The following CLEC16A variants were observed in gnomAD, a reference collection of about 807,000 sequenced individuals.
CLEC16A encodes the protein C-type lectin domain containing 16A.
Under a neutral mutation model 109.5 loss-of-function variants are expected in CLEC16A, and 51 were observed. That is an observed-to-expected ratio of 0.47 (90% CI 0.37 to 0.59). The LOEUF is 0.59. Ranked by LOEUF, CLEC16A falls within the 20% of genes least tolerant of loss-of-function variation. The pLI, the probability that CLEC16A is intolerant of heterozygous loss-of-function variation, is 0.00. For missense variants in CLEC16A, 1,339 were observed against 1,394.0 expected (o/e 0.96, Z 0.63); for synonymous variants, 673 against 564.2 (o/e 1.19, Z -2.73).
At chr16:10,983,413 G>A (rs982267168) in intron 10 of CLEC16A, among the ~76,000 whole-genome samples, 3 of 152,270 alleles carry the variant, frequency 2.0e-5, no homozygotes, top group Non-Finnish European at 4.4e-5. Flanking sequence ...CCACCTTGGC[G>A]AGCAGCTCCT....
intron 19 of CLEC16A, among the ~76,000 whole-genome samples, chr16:11,092,486 G>A (rs2050370113): frequency 6.6e-6 from 1 of 152,030 alleles, no homozygotes; most frequent in African/African-American, 2.4e-5. Context: ...GGAGGTTCCC[G>A]TGAGCCAAGA....
At position 11,123,803 on chromosome 16, in the gene CLEC16A, C is replaced by G; in HGVS notation, c.2330C>G (p.Pro777Arg). The G allele has an allele frequency of 1.2e-6, 2 of 1,614,084 alleles. No homozygotes were observed. The highest frequency in any genetic ancestry group is 1.7e-6 in the Non-Finnish European group (2 of 1,179,910). Residue 777 changes from proline to arginine, a missense_variant, in exon 21 of 24, where the codon CCT becomes CGT. Around this residue, in one of 3 missense-constraint regions of CLEC16A, gnomAD observed 1,061 missense variants for 1,006.8 expected, o/e 1.05. Coordinates refer to ENST00000409790, the MANE Select transcript of CLEC16A (RefSeq NM_015226.3). The part of the protein sequence containing the change: ...SRALNITIHK[P>R]ASSPHSKPFP... ...GCCCTGAACATCACCATCCACAAGC[C>G]TGCGTCCAGCCCCCATTCCAAGCCC...
chr16:10,990,536 G>A (rs2043943904), intron 10 of CLEC16A, among the ~76,000 whole-genome samples: 1 of 152,244 alleles, frequency 6.6e-6, no homozygotes, highest in African/African-American at 2.4e-5. Flanking sequence ...GGGCCAGCTA[G>A]CCAGAGAAGG....
intron 10 of CLEC16A, among the ~76,000 whole-genome samples, chr16:10,984,741 A>C (rs2043524757): frequency 6.6e-6 from 1 of 152,234 alleles, no homozygotes; most frequent in Admixed American, 6.5e-5. Context: ...AGCGTTTGCT[A>C]AATGAATGTA....
In CLEC16A at chr16:10,971,105, C is replaced by A. The variant is rs201388822; in HGVS notation, c.493-20C>A. 4 of 1,545,894 alleles carry A rather than the reference C, an allele frequency of 2.6e-6. No individual in the cohort carries two copies. The highest frequency in any genetic ancestry group is 2.3e-5 in the East Asian group (1 of 43,486). The stretch of plus-strand genomic sequence containing the variant: ...GGCTTATGGGCTTATAATTTGTTTT[C>A]GTTATTTCTTTTGTTTTAGCACACC... On this transcript the variant is annotated intron_variant, in intron 4 of 23. Transcript: ENST00000409790.
chr16:11,155,628 T>C (rs2054481824), intron 22 of CLEC16A, among the ~76,000 whole-genome samples: 1 of 152,248 alleles, frequency 6.6e-6, no homozygotes, highest in Admixed American at 6.5e-5. Flanking sequence ...ACTCCCTGAT[T>C]CTATCTGACT....
At chr16:11,075,428 A>ATGTGTG (rs112426314) in intron 19 of CLEC16A, among the ~76,000 whole-genome samples, 5 of 107,908 alleles carry the variant, frequency 4.6e-5, no homozygotes, top group Admixed American at 9.1e-5. Flanking sequence ...GTGTGTGTGT[A>ATGTGTG]TGTGTGTGTG....
intron 19 of CLEC16A, among the ~76,000 whole-genome samples, chr16:11,080,536 T>A (rs1469064038): frequency 6.6e-6 from 1 of 152,212 alleles, no homozygotes; most frequent in Admixed American, 6.5e-5. Flanking sequence ...GGTCCATTCG[T>A]TTCATATGGC....
intron 10 of CLEC16A, among the ~76,000 whole-genome samples, chr16:10,994,831 G>A (rs1235835004): frequency 6.6e-6 from 1 of 152,246 alleles, no homozygotes; most frequent in Non-Finnish European, 1.5e-5. Context: ...TCTCTGATTA[G>A]TGTGACGTCG....
intron 22 of CLEC16A, 53 bp from the exon 23 acceptor site, chr16:11,166,335 C>T (rs1263268412): frequency 5.9e-6 from 9 of 1,520,646 alleles, no homozygotes; most frequent in South Asian, 1.2e-5. Context: ...GACATTGAGG[C>T]CCTCAGGCCT....
chr16:11,030,023 T>C (rs1567217595), intron 13 of CLEC16A, among the ~76,000 whole-genome samples: 1 of 152,242 alleles, frequency 6.6e-6, no homozygotes, highest in Non-Finnish European at 1.5e-5. Context: ...ATCCACTTAA[T>C]TATTTTGAGA....
chr16:11,050,027 C>G (rs2047853681), intron 17 of CLEC16A, among the ~76,000 whole-genome samples: 1 of 152,206 alleles, frequency 6.6e-6, no homozygotes, highest in Non-Finnish European at 1.5e-5. Context: ...TAACAGAATA[C>G]CACAGACTTA....
intron 19 of CLEC16A, among the ~76,000 whole-genome samples, chr16:11,069,337 C>G (rs572717246): frequency 6.6e-6 from 1 of 152,164 alleles, no homozygotes; most frequent in Non-Finnish European, 1.5e-5. Context: ...CTATGTTGCC[C>G]AGGCTGGTCT....
At chr16:10,979,462 C>A (rs904485934) in intron 9 of CLEC16A, 80 bp downstream of exon 9, 6 of 1,219,628 alleles carry the variant, frequency 4.9e-6, no homozygotes, top group Non-Finnish European at 5.9e-6. Context: ...AATCCCCAGG[C>A]CTTATCACCC....
chr16:10,999,176 A>G (rs1205551131), intron 10 of CLEC16A, among the ~76,000 whole-genome samples: 2 of 152,188 alleles, frequency 1.3e-5, no homozygotes, highest in African/African-American at 4.8e-5. Context: ...GGCTCAAGGA[A>G]TCCTCCCATC....
chr16:11,000,091 G>A (rs1486609461), intron 10 of CLEC16A, among the ~76,000 whole-genome samples: 1 of 152,288 alleles, frequency 6.6e-6, no homozygotes, highest in East Asian at 1.9e-4. Context: ...ACCTGCCTGG[G>A]CCTCCCAAAG....
chr16:11,142,262 G>A (rs1037345341), intron 22 of CLEC16A, among the ~76,000 whole-genome samples: 2 of 152,216 alleles, frequency 1.3e-5, no homozygotes, highest in African/African-American at 4.8e-5. Flanking sequence ...ATCCTCCTCA[G>A]GGCCCGGGAA....
At chr16:11,065,864 C>A (rs193283571) in intron 19 of CLEC16A, among the ~76,000 whole-genome samples, 1 of 152,336 alleles carries the variant, frequency 6.6e-6, no homozygotes, top group African/African-American at 2.4e-5. Context: ...GGCTGGCACA[C>A]AAGTAGCAAG....
chr16:11,128,421 C>T (rs2052977980), intron 22 of CLEC16A, among the ~76,000 whole-genome samples: 1 of 152,222 alleles, frequency 6.6e-6, no homozygotes, highest in Non-Finnish European at 1.5e-5. Flanking sequence ...TGTCCTGTTG[C>T]TGGTCCCAGG....
Sources: allele counts gnomAD v4.1 joint callset (sites outside exome capture counted in the v4.1 genomes callset), GRCh38; gene constraint gnomAD v4.1.1; regional missense constraint gnomAD v4.1.1; transcripts MANE v1.5; gene names NCBI Gene and HGNC (gene_info 2026-07-23, HGNC 2026-07-21).